The following DMXL1 variants were observed in gnomAD, a reference collection of about 807,000 sequenced individuals.
The protein encoded by DMXL1 is dmX-like protein 1.
A neutral mutation model predicts 319.2 loss-of-function variants in DMXL1; 99 were observed. The observed-to-expected ratio is 0.31, with a 90% CI of 0.26 to 0.37. The LOEUF (loss-of-function observed/expected upper bound fraction) is 0.37, where lower values mean the gene tolerates loss of function less well. DMXL1 is among the 10% of genes least tolerant of loss of function. DMXL1 has a pLI of 1.00. For synonymous variants in DMXL1, 1,385 were observed against 1,235.2 expected (o/e 1.12, Z -2.54); for missense variants, 3,745 against 3,595.6 (o/e 1.04, Z -1.06).
intron 9 of DMXL1, among the ~76,000 whole-genome samples, chr5:119,126,100 A>G (rs1763498006): frequency 6.6e-6 from 1 of 152,118 alleles, no homozygotes; most frequent in African/African-American, 2.4e-5. Context: ...CCTGGCCAAC[A>G]TGGTGAAACC....
At chr5:119,226,905 C>G (rs148105384) in intron 38 of DMXL1, among the ~76,000 whole-genome samples, 47 of 152,316 alleles carry the variant, frequency 3.1e-4, no homozygotes, top group African/African-American at 1.1e-3. Context: ...AGCAGAGGAG[C>G]TTCTCTCCCC....
rs974912189 is a variant in DMXL1 at position 119,248,819 on chromosome 5, C to G, written c.*1600C>G. ...CACATAATAACCTGTACCTATAAAT[C>G]GTGCAATAACCATATGCGACTATTT... is the stretch of plus-strand genomic sequence containing the variant. On this transcript the variant is annotated 3_prime_UTR_variant, in exon 44 of 44. Transcript: ENST00000539542. The G allele has an allele frequency of 1.3e-5, 2 of 152,424 alleles. No homozygotes were observed. The highest frequency in any genetic ancestry group is 4.1e-4 in the South Asian group (2 of 4,826). The allele number at this position is 152,424 out of a possible 1,614,324, so 9.4% of individuals were successfully genotyped here.
chr5:119,216,152 T>A (rs2150550459), intron 34 of DMXL1, among the ~76,000 whole-genome samples: 1 of 150,718 alleles, frequency 6.6e-6, no homozygotes, highest in East Asian at 1.9e-4. Context: ...TGTCCTATAT[T>A]AGGCAACATT....
In DMXL1 at chr5:119,233,445, G is replaced by T. The variant is rs909770749; in HGVS notation, c.8444G>T (p.Arg2815Ile). ...GGCAATTCAAGAGTTACAAGAATGAGATTTAACTATCAGGGAAATAAGGTA... is the reference window on the plus strand; with the variant it reads ...GGCAATTCAAGAGTTACAAGAATGATATTTAACTATCAGGGAAATAAGGTA... ...SGGNSRVTRMRFNYQGNKFGI... is the reference protein window; with the variant it reads ...SGGNSRVTRMIFNYQGNKFGI... The change falls in exon 39 of 44, where the codon AGA becomes ATA. Residue 2815 changes from arginine to isoleucine, a missense_variant. Arg to Ile is a moderately conservative substitution (Grantham distance 97). This residue lies in a region of DMXL1 where 262 missense variants were observed against 320.5 expected (regional missense o/e 0.82). Coordinates refer to ENST00000539542, the MANE Select transcript of DMXL1 (RefSeq NM_001290321.3). The T allele has an allele frequency of 2.5e-6, 4 of 1,611,098 alleles. No homozygotes were observed. In the African/African-American group the frequency reaches 5.3e-5, roughly 22 times the overall value.
At chr5:119,130,662 G>A (rs898232355) in intron 10 of DMXL1, among the ~76,000 whole-genome samples, 3 of 151,986 alleles carry the variant, frequency 2.0e-5, no homozygotes, top group African/African-American at 7.2e-5. Flanking sequence ...TTTTAATTCA[G>A]TCAGTAATGG....
intron 28 of DMXL1, among the ~76,000 whole-genome samples, chr5:119,186,405 G>T (rs190938845): frequency 1.3e-5 from 2 of 152,224 alleles, no homozygotes; most frequent in East Asian, 3.9e-4. Context: ...CTACAGGCAT[G>T]TGCCACCATG....
intron 1 of DMXL1, among the ~76,000 whole-genome samples, chr5:119,077,838 CGTGTGTGTGTGTGTATATATACGTGT>C (rs1751324670): frequency 9.2e-6 from 1 of 108,712 alleles, no homozygotes; most frequent in Admixed American, 9.0e-5. Flanking sequence ...AAAATATATA[CGTGTGTGTGTGTGTATATATACGTGT>C]GTGTGTGTGT....
intron 33 of DMXL1, among the ~76,000 whole-genome samples, chr5:119,205,206 A>G (rs1339813582): frequency 6.6e-6 from 1 of 152,150 alleles, no homozygotes; most frequent in Non-Finnish European, 1.5e-5. Flanking sequence ...TTATTTTTCT[A>G]CTGCCGATAT....
At chr5:119,204,623 A>G (rs1000957055) in intron 33 of DMXL1, among the ~76,000 whole-genome samples, 1 of 151,554 alleles carries the variant, frequency 6.6e-6, no homozygotes, top group African/African-American at 2.4e-5. Context: ...GATATGGGGA[A>G]CTTGTTTCTT....
chr5:119,121,146 A>C lies in DMXL1; in HGVS notation c.1102+7A>C. 1 of 1,586,682 alleles carries C rather than the reference A, an allele frequency of 6.3e-7. No individual in the cohort carries two copies. The highest frequency in any genetic ancestry group is 8.6e-7 in the Non-Finnish European group (1 of 1,169,410). On this transcript the variant is annotated splice_region_variant and intron_variant, in intron 9 of 43. Transcript: ENST00000539542. The stretch of plus-strand genomic sequence containing the variant: ...AGCATCAACCCAGCCACAGGTAATG[A>C]AACATTGTTCAAAACATGTTTCTGA...
At chr5:119,223,866 T>C (rs1785071245) in intron 37 of DMXL1, among the ~76,000 whole-genome samples, 1 of 152,172 alleles carries the variant, frequency 6.6e-6, no homozygotes, top group African/African-American at 2.4e-5. Flanking sequence ...TGAAGTTTAC[T>C]AAACAGAAGT....
chr5:119,147,188 A>C, intron 16 of DMXL1, 61 bp from the exon 17 acceptor site: 1 of 1,401,536 alleles, frequency 7.1e-7, no homozygotes, highest in Admixed American at 2.1e-5. Context: ...AAAATGTAAC[A>C]ATCGTAATAT....
chr5:119,248,639 AATG>A lies in DMXL1; in HGVS notation c.*1422_*1424del, dbSNP rs1233784593. The stretch of plus-strand genomic sequence containing the variant: ...GGAAATTAAAGAGTCAAAGCAAAGA[AATG>A]AAGGGCTGGTAAAATGAATTTTGTA... On this transcript the variant is annotated 3_prime_UTR_variant, in exon 44 of 44. Coordinates refer to ENST00000539542, the MANE Select transcript of DMXL1 (RefSeq NM_001290321.3). The A allele has an allele frequency of 6.6e-6, 1 of 152,504 alleles. No homozygotes were observed. The highest frequency in any genetic ancestry group is 1.5e-5 in the Non-Finnish European group (1 of 67,910). The allele number at this position is 152,504 out of a possible 1,614,324, so 9.4% of individuals were successfully genotyped here. A position where few individuals can be genotyped will look rare whatever the true frequency, so the allele number is the denominator to read the frequency against.
At chr5:119,230,580 C>T (rs11740872) in intron 38 of DMXL1, among the ~76,000 whole-genome samples, 3,605 of 152,222 alleles carry the variant, frequency 0.024, 64 homozygotes, top group Non-Finnish European at 0.042. Flanking sequence ...CAAACTCAGT[C>T]GTTTATAAAA....
At chr5:119,114,394 G>A (rs1435371215) in intron 5 of DMXL1, 81 bp from the exon 6 acceptor site, 1 of 994,620 alleles carries the variant, frequency 1.0e-6, no homozygotes, top group African/African-American at 1.6e-5. Context: ...TGAACCAATT[G>A]CTGATTTATA....
intron 13 of DMXL1, among the ~76,000 whole-genome samples, chr5:119,136,802 C>G (rs972979154): frequency 2.0e-5 from 3 of 152,266 alleles, no homozygotes; most frequent in Admixed American, 6.5e-5. Flanking sequence ...GCAGCAACCA[C>G]CTAGATTTCA....
chr5:119,142,479 A>G (rs930007209), intron 13 of DMXL1, among the ~76,000 whole-genome samples: 1 of 150,810 alleles, frequency 6.6e-6, no homozygotes, highest in Non-Finnish European at 1.5e-5. Flanking sequence ...GCAATGTGGC[A>G]CCATCTCACA....
chr5:119,226,386 A>G (rs1274991547), intron 38 of DMXL1, among the ~76,000 whole-genome samples: 1 of 152,226 alleles, frequency 6.6e-6, no homozygotes, highest in Non-Finnish European at 1.5e-5. Flanking sequence ...TGAAGTTCAG[A>G]TACCTCAAGA....
chr5:119,149,215 G>A lies in DMXL1; in HGVS notation c.3388G>A (p.Glu1130Lys), dbSNP rs2150136484. The change falls in exon 18 of 44, where the codon GAG (glutamate) becomes AAG (lysine). Residue 1130 changes from glutamate to lysine, a missense_variant. By Grantham distance (56) the Glu-to-Lys change is moderately conservative. Coordinates refer to ENST00000539542, the MANE Select transcript of DMXL1 (RefSeq NM_001290321.3). ...NKQDMYLSSK[E>K]NITSNTKHLV... ...ACAAGACATGTATTTATCTAGTAAA[G>A]AGAATATCACATCAAACACAAAGCA... The A allele has an allele frequency of 1.2e-6, 2 of 1,613,852 alleles. No individual in the cohort carries two copies. The highest frequency in any genetic ancestry group is 4.5e-5 in the East Asian group (2 of 44,878).
Sources: gnomAD v4.1 joint callset for allele counts (sites outside exome capture counted in the v4.1 genomes callset) on GRCh38, gnomAD v4.1.1 for gene constraint, gnomAD v4.1.1 regional missense constraint, MANE v1.5 for transcripts, NCBI Gene and HGNC (gene_info 2026-07-23, HGNC 2026-07-21) for gene names.